PTPN9: variants seen among roughly 807,000 people sequenced by gnomAD.
PTPN9 encodes tyrosine-protein phosphatase non-receptor type 9.
In PTPN9, 26 loss-of-function variants were observed where a neutral mutation model predicts 69.8. The ratio of observed to expected loss-of-function variants is 0.37; its 90% CI spans 0.27 to 0.52. The LOEUF (loss-of-function observed/expected upper bound fraction) is 0.52. Ranked by LOEUF, PTPN9 falls within the 20% of genes least tolerant of loss-of-function variation. The pLI, the probability that PTPN9 is intolerant of heterozygous loss-of-function variation, is 0.91. For missense variants in PTPN9, 549 were observed against 740.3 expected (o/e 0.74, Z 3.00); for synonymous variants, 274 against 272.5 (o/e 1.01, Z -0.05).
chr15:75,574,530 A>C (rs1205550676), intron 1 of PTPN9, among the ~76,000 whole-genome samples: 1 of 152,154 alleles, frequency 6.6e-6, no homozygotes, highest in Non-Finnish European at 1.5e-5. Context: ...ATTCAGGAAA[A>C]TCTAACACTG....
intron 1 of PTPN9, among the ~76,000 whole-genome samples, chr15:75,558,948 C>A (rs2075090075): frequency 6.6e-6 from 1 of 152,174 alleles, no homozygotes; most frequent in Non-Finnish European, 1.5e-5. Flanking sequence ...GCCCGGCTGC[C>A]ACCCCGTCTG....
intron 8 of PTPN9, among the ~76,000 whole-genome samples, chr15:75,488,723 G>A (rs535309676): frequency 1.6e-3 from 248 of 152,316 alleles, no homozygotes; most frequent in African/African-American, 5.8e-3. Context: ...GAGCCCAGGA[G>A]TTCAAGGGTG....
intron 1 of PTPN9, among the ~76,000 whole-genome samples, chr15:75,530,838 A>AAT (rs2074960348): frequency 1.0e-5 from 1 of 100,484 alleles, no homozygotes; most frequent in Admixed American, 1.7e-4. Flanking sequence ...TATATATTAT[A>AAT]ATATATTATA....
At position 75,468,851 on chromosome 15, in the gene PTPN9, C is replaced by A; in HGVS notation, c.1700G>T (p.Cys567Phe). 6.2e-7 allele frequency: 1 copy of A among 1,614,122 alleles called. No homozygotes were observed. Among genetic ancestry groups the A allele is most frequent in the Non-Finnish European group, 8.5e-7 (1 of 1,180,002 alleles). The change falls in exon 13 of 13, where the codon TGC becomes TTC. Residue 567 changes from cysteine to phenylalanine, a missense_variant. Around this residue, in one of 3 missense-constraint regions of PTPN9, gnomAD observed 457 missense variants for 661.9 expected, o/e 0.69. Transcript: ENST00000618819. ...SIQTPEQYYF[C>F]YKAILEFAEK... ...TGCGAACTCCAGGATGGCCTTGTAG[C>A]AAAAATAGTACTGCTCAGGGGTCTG... is the stretch of plus-strand genomic sequence containing the variant.
At chr15:75,489,322 A>T (rs1190356523) in intron 8 of PTPN9, among the ~76,000 whole-genome samples, 1 of 152,020 alleles carries the variant, frequency 6.6e-6, no homozygotes, top group Non-Finnish European at 1.5e-5. Flanking sequence ...CTGACTCAAA[A>T]ATTGGCCTGT....
At chr15:75,484,841 G>T (rs187318139) in intron 8 of PTPN9, among the ~76,000 whole-genome samples, 1 of 152,268 alleles carries the variant, frequency 6.6e-6, no homozygotes, top group East Asian at 1.9e-4. Flanking sequence ...AGTCTGAACT[G>T]TCAGTATCCC....
At chr15:75,483,932 A>G (rs912025326) in intron 8 of PTPN9, among the ~76,000 whole-genome samples, 3 of 152,206 alleles carry the variant, frequency 2.0e-5, no homozygotes, top group African/African-American at 7.2e-5. Context: ...TGATCAATTA[A>G]GCAGCTGACC....
chr15:75,507,446 CAAAA>C (rs762520293), intron 6 of PTPN9, among the ~76,000 whole-genome samples: 10 of 89,172 alleles, frequency 1.1e-4, no homozygotes, highest in Admixed American at 1.3e-4. Context: ...AACTCTGTCG[CAAAA>C]AAAAAAAAAA....
At chr15:75,550,167 G>GT (rs754056439) in intron 1 of PTPN9, among the ~76,000 whole-genome samples, 1,830 of 138,318 alleles carry the variant, frequency 0.013, 14 homozygotes, top group African/African-American at 0.025. Flanking sequence ...CCCTGTGGTA[G>GT]TTTTTTTTTT....
intron 7 of PTPN9, among the ~76,000 whole-genome samples, chr15:75,503,249 G>T (rs1212158794): frequency 6.7e-6 from 1 of 148,664 alleles, no homozygotes; most frequent in Non-Finnish European, 1.5e-5. Context: ...CTGCCCGGCC[G>T]CCCATCGTCT....
chr15:75,542,284 T>G (rs2141331035), intron 1 of PTPN9, among the ~76,000 whole-genome samples: 1 of 152,302 alleles, frequency 6.6e-6, no homozygotes, highest in East Asian at 1.9e-4. Flanking sequence ...TAAGGGACTA[T>G]GTGCACTTCA....
At chr15:75,550,390 T>G (rs932869460) in intron 1 of PTPN9, among the ~76,000 whole-genome samples, 2 of 149,154 alleles carry the variant, frequency 1.3e-5, no homozygotes, top group African/African-American at 4.9e-5. Context: ...AGTCTCGAAC[T>G]CCTGACCTCA....
chr15:75,530,136 G>T (rs1023845494), intron 1 of PTPN9, among the ~76,000 whole-genome samples: 5 of 146,600 alleles, frequency 3.4e-5, no homozygotes, highest in Admixed American at 7.1e-5. Context: ...AGGAGGTGGG[G>T]TTGTAGTGAG....
chr15:75,550,461 C>T (rs1053169836), intron 1 of PTPN9, among the ~76,000 whole-genome samples: 4 of 150,820 alleles, frequency 2.7e-5, no homozygotes, highest in Admixed American at 6.6e-5. Flanking sequence ...CCACCATGCC[C>T]AACCAGTGGG....
chr15:75,473,941 C>T (rs1051310286), intron 9 of PTPN9, among the ~76,000 whole-genome samples, 174 bp from the exon 10 acceptor site: 4 of 152,116 alleles, frequency 2.6e-5, no homozygotes, highest in Non-Finnish European at 4.4e-5. Flanking sequence ...ACACCAGCAT[C>T]GTATGGGAGA....
rs1206223565 is a variant in PTPN9, at chr15:75,578,782, C to T, written c.-6G>A. ...GGCGCGGTCGCGGGCTCCATCCCCC[C>T]GCCACCGCCGCCGGGCGGACAAAAC... is the stretch of plus-strand genomic sequence containing the variant. On this transcript the variant is annotated 5_prime_UTR_variant, in exon 1 of 13. Coordinates refer to ENST00000618819, the MANE Select transcript of PTPN9 (RefSeq NM_002833.4). The T allele has an allele frequency of 1.6e-6, 2 of 1,239,222 alleles. No individual in the cohort carries two copies. The highest frequency in any genetic ancestry group is 8.6e-5 in the Admixed American group (2 of 23,198). 76.8% of individuals were successfully genotyped at this position (1,239,222 alleles called of 1,614,324 possible). A position where few individuals can be genotyped will look rare whatever the true frequency, so the allele number is the denominator to read the frequency against.
rs768137697 is a variant in PTPN9 at position 75,470,805 on chromosome 15, A to C, written c.1234T>G (p.Cys412Gly). 15 of 1,614,030 alleles carry C rather than the reference A, an allele frequency of 9.3e-6. No homozygotes were observed. Residue 412 changes from cysteine to glycine, a missense_variant, in exon 11 of 13, where the codon TGT becomes GGT. This residue lies in a region of PTPN9 where 457 missense variants were observed against 661.9 expected (regional missense o/e 0.69). Transcript: ENST00000618819. ...TRFEEGGRRK[C>G]GQYWPLEKDS... ...TTTTCTAAAGGCCAGTACTGGCCAC[A>C]CTTTCTCCTGCCGCCTTCCTCAAAG...
intron 1 of PTPN9, among the ~76,000 whole-genome samples, chr15:75,559,542 T>C (rs1013353198): frequency 1.3e-5 from 2 of 152,142 alleles, no homozygotes; most frequent in Non-Finnish European, 2.9e-5. Context: ...CGGTGCAAGA[T>C]GTGCTTTGTT....
rs1193926514 is a variant in PTPN9 at position 75,481,803 on chromosome 15, G to A, written c.1063-1889C>T. Among the ~76,000 whole-genome samples, 74 of 129,180 alleles carry A rather than the reference G, an allele frequency of 5.7e-4. 1 individual carries two copies. The highest frequency in any genetic ancestry group is 2.0e-3 in the African/African-American group (68 of 34,496). 84.7% of individuals were successfully genotyped at this position (129,180 alleles called of 152,430 possible). A position where few individuals can be genotyped will look rare whatever the true frequency, so the allele number is the denominator to read the frequency against. On this transcript the variant is annotated intron_variant, in intron 8 of 12. Coordinates refer to ENST00000618819, the MANE Select transcript of PTPN9 (RefSeq NM_002833.4). ...TGGGAAGTGAGGAGCCCCTCTGCCC[G>A]GCCAGCCGCCCCGTCCGGGAGGGAG...
Sources: allele counts gnomAD v4.1 joint callset (sites outside exome capture counted in the v4.1 genomes callset), GRCh38; gene constraint gnomAD v4.1.1; regional missense constraint gnomAD v4.1.1; transcripts MANE v1.5; gene names NCBI Gene and HGNC (gene_info 2026-07-23, HGNC 2026-07-21).